Variants in FBXL17 observed in about 807,000 individuals in gnomAD.
FBXL17 encodes F-box/LRR-repeat protein 17.
Under a neutral mutation model 66.2 loss-of-function variants are expected in FBXL17, and 22 were observed. The ratio of observed to expected loss-of-function variants is 0.33; its 90% CI spans 0.24 to 0.47. FBXL17 has a LOEUF of 0.47. FBXL17 is among the 20% of genes least tolerant of loss of function. The probability of loss-of-function intolerance (pLI) is 1.00; values close to 1 mark genes in which losing one functional copy is unlikely to be tolerated. For synonymous variants in FBXL17, 474 were observed against 400.5 expected, an observed-to-expected ratio of 1.18 and a Z score of -2.19; for missense variants, 878 against 948.2, an observed-to-expected ratio of 0.93 and a Z score of 0.97.
chr5:108,147,875 C>T lies in FBXL17; in HGVS notation c.1745+38242G>A, dbSNP rs143483623. ...AACCTCTTAATAGCAAGAAAGAGTACCAGGAAACAGTAAAATCGTATCCTC... is the reference window on the plus strand; with the variant it reads ...AACCTCTTAATAGCAAGAAAGAGTATCAGGAAACAGTAAAATCGTATCCTC... On this transcript the variant is annotated intron_variant, in intron 6 of 8. Transcript: ENST00000542267. Among the ~76,000 whole-genome samples the T allele has an allele frequency of 4.3e-3, 654 of 151,498 alleles. 3 individuals carry two copies. Among genetic ancestry groups the T allele is most frequent in the African/African-American group, 0.015 (634 of 41,306 alleles).
At chr5:107,995,943 A>G (rs901564452) in intron 7 of FBXL17, among the ~76,000 whole-genome samples, 2 of 152,234 alleles carry the variant, frequency 1.3e-5, no homozygotes, top group Non-Finnish European at 2.9e-5. Flanking sequence ...AACACAGTGC[A>G]GTAGCTGAGT....
intron 2 of FBXL17, among the ~76,000 whole-genome samples, chr5:108,366,626 C>G (rs544984587): frequency 1.3e-4 from 20 of 151,952 alleles, no homozygotes; most frequent in Non-Finnish European, 2.6e-4. Context: ...TAATAAATAA[C>G]TCAAACATTC....
intron 4 of FBXL17, among the ~76,000 whole-genome samples, chr5:108,337,110 G>A (rs1421496391): frequency 6.6e-6 from 1 of 151,958 alleles, no homozygotes; most frequent in African/African-American, 2.4e-5. Context: ...ACAAAAATTA[G>A]CTGGGCGTGG....
At chr5:108,212,864 T>C (rs1754437184) in intron 5 of FBXL17, among the ~76,000 whole-genome samples, 1 of 152,184 alleles carries the variant, frequency 6.6e-6, no homozygotes, top group African/African-American at 2.4e-5. Flanking sequence ...ACGCTGCTCT[T>C]TTCAGAGCTG....
intron 4 of FBXL17, among the ~76,000 whole-genome samples, chr5:108,326,543 T>C (rs996062974): frequency 4.0e-5 from 6 of 151,820 alleles, no homozygotes; most frequent in Admixed American, 2.0e-4. Flanking sequence ...GTGGAGGTTG[T>C]AGTGAGCCAA....
intron 7 of FBXL17, among the ~76,000 whole-genome samples, chr5:107,994,965 G>A (rs1335457446): frequency 2.0e-5 from 3 of 152,308 alleles, no homozygotes; most frequent in African/African-American, 7.2e-5. Flanking sequence ...TAATGATACT[G>A]GTTACCCTCG....
intron 6 of FBXL17, among the ~76,000 whole-genome samples, chr5:108,096,240 T>C (rs1749363476): frequency 6.6e-6 from 1 of 152,186 alleles, no homozygotes; most frequent in African/African-American, 2.4e-5. Context: ...ATTAGCAAAA[T>C]GATTTTTCAG....
At chr5:108,270,202 C>T (rs944314124) in intron 4 of FBXL17, among the ~76,000 whole-genome samples, 2 of 151,828 alleles carry the variant, frequency 1.3e-5, no homozygotes, top group Non-Finnish European at 2.9e-5. Flanking sequence ...ATAAGAAAAC[C>T]GTAGAAACTC....
intron 1 of FBXL17, among the ~76,000 whole-genome samples, chr5:108,374,615 G>T (rs113982838): frequency 1.3e-5 from 2 of 152,032 alleles, no homozygotes; most frequent in Non-Finnish European, 2.9e-5. Context: ...GGCAGAAGTT[G>T]CAGTGAGCCA....
At chr5:107,865,738 A>G (rs1748253096) in intron 8 of FBXL17, among the ~76,000 whole-genome samples, 1 of 152,202 alleles carries the variant, frequency 6.6e-6, no homozygotes, top group Non-Finnish European at 1.5e-5. Context: ...GTTGCGTAGA[A>G]GTTATTCAGG....
intron 5 of FBXL17, among the ~76,000 whole-genome samples, chr5:108,208,079 A>AT (rs1754205302): frequency 6.6e-6 from 1 of 152,120 alleles, no homozygotes; most frequent in Non-Finnish European, 1.5e-5. Context: ...GATGATGAGC[A>AT]TTTTTTTCAT....
intron 5 of FBXL17, among the ~76,000 whole-genome samples, chr5:108,207,316 A>C (rs1754163448): frequency 6.6e-6 from 1 of 152,018 alleles, no homozygotes; most frequent in Non-Finnish European, 1.5e-5. Context: ...TCTCACCAAC[A>C]ATTGATATGC....
intron 5 of FBXL17, among the ~76,000 whole-genome samples, chr5:108,211,314 A>G (rs376442989): frequency 7.2e-5 from 11 of 152,316 alleles, no homozygotes; most frequent in South Asian, 4.1e-4. Context: ...TGGGGCATTT[A>G]GCCAGTTTAA....
chr5:107,900,913 C>T (rs968090363), intron 7 of FBXL17, among the ~76,000 whole-genome samples: 1 of 152,012 alleles, frequency 6.6e-6, no homozygotes, highest in African/African-American at 2.4e-5. Flanking sequence ...GTAAGCCTCT[C>T]CAGAGACAGT....
At chr5:108,227,050 G>C (rs1755130568) in intron 4 of FBXL17, among the ~76,000 whole-genome samples, 1 of 152,114 alleles carries the variant, frequency 6.6e-6, no homozygotes, top group African/African-American at 2.4e-5. Context: ...ACAATCTCTA[G>C]AAAGATATAC....
intron 6 of FBXL17, among the ~76,000 whole-genome samples, chr5:108,129,888 T>G (rs186243245): frequency 4.0e-5 from 6 of 151,698 alleles, no homozygotes; most frequent in Admixed American, 3.9e-4. Context: ...GTTCTTTTTT[T>G]AATCTAAATA....
intron 7 of FBXL17, among the ~76,000 whole-genome samples, chr5:107,902,952 A>T (rs1310279907): frequency 6.6e-6 from 1 of 152,186 alleles, no homozygotes; most frequent in Non-Finnish European, 1.5e-5. Context: ...CTGACTGAAT[A>T]AAAAGTGAAG....
At chr5:108,064,538 C>T (rs2112850504) in intron 6 of FBXL17, among the ~76,000 whole-genome samples, 1 of 152,310 alleles carries the variant, frequency 6.6e-6, no homozygotes, top group African/African-American at 2.4e-5. Flanking sequence ...TCACTACAGT[C>T]AGGGCCTAGT....
intron 7 of FBXL17, among the ~76,000 whole-genome samples, chr5:107,896,978 A>G (rs533547161): frequency 1.4e-4 from 22 of 152,260 alleles, no homozygotes; most frequent in African/African-American, 5.3e-4. Flanking sequence ...AAAAAAGTGA[A>G]GTCATTACAG....
Sources: gnomAD v4.1 joint callset for allele counts (sites outside exome capture counted in the v4.1 genomes callset) on GRCh38, gnomAD v4.1.1 for gene constraint, MANE v1.5 for transcripts, NCBI Gene and HGNC (gene_info 2026-07-23, HGNC 2026-07-21) for gene names.